The following SPDYC variants were observed in gnomAD, a reference collection of about 807,000 sequenced individuals.
SPDYC encodes the protein speedy/RINGO cell cycle regulator family member C.
Under a neutral mutation model 33.9 loss-of-function variants are expected in SPDYC, and 25 were observed. That is an observed-to-expected ratio of 0.74 (90% confidence interval 0.54 to 1.03). The LOEUF is 1.03. Among genes scored for constraint, SPDYC ranks in the 50% least tolerant of loss-of-function variants. The pLI is 0.00. For synonymous variants in SPDYC, 133 were observed against 140.2 expected (o/e 0.95, Z 0.36); for missense variants, 349 against 382.9 (o/e 0.91, Z 0.74).
intron 3 of SPDYC, 23 bp from the exon 4 acceptor site, chr11:65,172,223 C>T (rs1056072211): frequency 1.2e-6 from 2 of 1,613,916 alleles, no homozygotes; most frequent in Non-Finnish European, 1.7e-6. Flanking sequence ...TAACTAACCC[C>T]CCACCCCGAT....
rs530034737 is a variant in SPDYC at position 65,171,114 on chromosome 11, C to T, written c.27-213C>T. Reference sequence around the variant, plus strand: ...TGTTACTCTGGCCTGTCCTGGGGTGCCAGGAGGAGGGTGAGGGTGCCACAC... The same window carrying T: ...TGTTACTCTGGCCTGTCCTGGGGTGTCAGGAGGAGGGTGAGGGTGCCACAC... On this transcript the variant is annotated intron_variant, in intron 1 of 6. Transcript: ENST00000377185. Among the ~76,000 whole-genome samples, 3 of 152,044 alleles carry T rather than the reference C, an allele frequency of 2.0e-5. No homozygotes were observed. In the East Asian group the frequency reaches 5.8e-4, roughly 30 times the overall value.
chr11:65,171,834 G>A, intron 2 of SPDYC, 109 bp from the exon 3 acceptor site: 3 of 939,520 alleles, frequency 3.2e-6, no homozygotes, highest in South Asian at 1.4e-5. Context: ...GAGAAAAAGA[G>A]AAAGAGAGAG....
chr11:65,173,303 C>T, downstream of SPDYC: 1 of 1,487,832 alleles, frequency 6.7e-7, no homozygotes, highest in Non-Finnish European at 9.1e-7. Flanking sequence ...CCCTTCCTCC[C>T]AGCCTGCAGC....
exon 4 of SPDYC, chr11:65,172,288 C>G (rs1292585346): frequency 6.2e-7 from 1 of 1,614,170 alleles, no homozygotes; most frequent in Non-Finnish European, 8.5e-7. Flanking sequence ...GCGCGCCCAC[C>G]TGAAGCTCAG....
intron 1 of SPDYC, 101 bp downstream of exon 1, chr11:65,170,362 C>G (rs927503977): frequency 8.9e-6 from 11 of 1,235,094 alleles, no homozygotes; most frequent in East Asian, 5.8e-5. Context: ...TCCTCGGCCC[C>G]GTGGTTGGCT....
chr11:65,172,750 C>T lies in SPDYC; in HGVS notation c.583C>T (p.Gln195Ter). Reference sequence around the variant, plus strand: ...CCGGCGCCCCCACCATGGTGGGGTTCAGAGGGTCTGTCCACAGGTCCCTGT... The same window carrying T: ...CCGGCGCCCCCACCATGGTGGGGTTTAGAGGGTCTGTCCACAGGTCCCTGT... Residue 195 changes from glutamine to a stop codon, truncating the protein, a stop_gained, in exon 6 of 7, where the codon CAG becomes TAG. Coordinates refer to ENST00000377185, the Ensembl canonical transcript of SPDYC. LOFTEE classifies it high-confidence loss of function. 1.2e-6 allele frequency: 2 copies of T among 1,613,894 alleles called. No homozygotes were observed. Among genetic ancestry groups the T allele is most frequent in the Non-Finnish European group, 1.7e-6 (2 of 1,179,992 alleles).
chr11:65,171,498 G>T, exon 2 of SPDYC: 1 of 1,566,560 alleles, frequency 6.4e-7, no homozygotes, highest in South Asian at 1.2e-5. Context: ...TCAGCCTTCT[G>T]GGTGAGTTTG....
chr11:65,172,137 A>G, intron 3 of SPDYC, 109 bp from the exon 4 acceptor site: 1 of 1,508,812 alleles, frequency 6.6e-7, no homozygotes, highest in Non-Finnish European at 9.2e-7. Context: ...CCACCATTTT[A>G]CTGACTTTCT....
chr11:65,171,548 A>G (rs977337241), intron 2 of SPDYC, 49 bp downstream of exon 2: 2 of 1,465,416 alleles, frequency 1.4e-6, no homozygotes, highest in African/African-American at 1.4e-5. Context: ...CAAGTGTGAA[A>G]GCAGATGTGA....
Position 65,170,240 on chromosome 11 carries a change from T to C in SPDYC, c.5T>C (p.Leu2Pro), listed in dbSNP as rs767594293. The C allele has an allele frequency of 5.1e-6, 8 of 1,578,904 alleles. No individual in the cohort carries two copies. The African/African-American group carries it at 9.6e-5, about 19-fold the overall frequency. The change falls in exon 1 of 7, where the codon CTC becomes CCC. Residue 2 changes from leucine to proline, a missense_variant. Leu to Pro is a moderately conservative substitution (Grantham distance 98). Transcript: ENST00000377185. ...ACTCGCGGCGGCGTTGGTGTTATGC[T>C]CTGGGCCATTCCTGAGCTCGGGTAA...
At chr11:65,171,610 C>T in intron 2 of SPDYC, 111 bp downstream of exon 2, 1 of 1,266,020 alleles carries the variant, frequency 7.9e-7, no homozygotes, top group Non-Finnish European at 1.1e-6. Flanking sequence ...TGACCCTCTC[C>T]CTCTCAGGTA....
chr11:65,173,355 TC>T, downstream of SPDYC: 1 of 1,047,420 alleles, frequency 9.5e-7, no homozygotes. Flanking sequence ...TAAATTCATG[TC>T]CACAGGACAC....
At chr11:65,173,153 T>C in intron 6 of SPDYC, 30 bp from the exon 7 acceptor site, 1 of 1,613,076 alleles carries the variant, frequency 6.2e-7, no homozygotes, top group Non-Finnish European at 8.5e-7. Context: ...GCAGGTTTCT[T>C]CTCTGAGCCT....
intron 1 of SPDYC, 76 bp downstream of exon 1, chr11:65,170,337 G>T (rs2137287077): frequency 1.4e-6 from 2 of 1,434,878 alleles, no homozygotes; most frequent in East Asian, 2.6e-5. Flanking sequence ...CCCTGGGGTG[G>T]TCGACCGCAC....
downstream of SPDYC, chr11:65,173,247 G>T (rs757341073): frequency 1.2e-5 from 19 of 1,610,500 alleles, no homozygotes; most frequent in Admixed American, 5.0e-5. Context: ...CAGCACGCCT[G>T]CTGGCCCACT....
At chr11:65,172,977 C>T (rs766697425) in exon 6 of SPDYC, 1 of 1,613,952 alleles carries the variant, frequency 6.2e-7, no homozygotes, top group Non-Finnish European at 8.5e-7. Context: ...TCTTGCCTCC[C>T]CAGATGCAAC....
rs1195353566 is a variant in SPDYC, at chr11:65,171,607, C to T, written c.199+108C>T. The stretch of plus-strand genomic sequence containing the variant: ...ACAGACATCTGAGACCTCTGACCCT[C>T]TCCCTCTCAGGTATCCCAGCTTAGG... On this transcript the variant is annotated intron_variant, in intron 2 of 6. Transcript: ENST00000377185. 2.3e-6 allele frequency: 3 copies of T among 1,288,114 alleles called. No homozygotes were observed. In the African/African-American group the frequency reaches 4.5e-5, roughly 19 times the overall value. The allele number at this position is 1,288,114 out of a possible 1,614,324, so 79.8% of individuals were successfully genotyped here. A position where few individuals can be genotyped will look rare whatever the true frequency, so the allele number is the denominator to read the frequency against.
In SPDYC at chr11:65,171,975, G is replaced by GGT; in HGVS notation, c.232_233insGT (p.Asp78GlyfsTer25). ...TTTTGTCCAGGAATTCCTCTCCAAAGACCCCTGCTTCCAGATTTCAGATAA... is the reference window on the plus strand; with the variant it reads ...TTTTGTCCAGGAATTCCTCTCCAAAGGTACCCCTGCTTCCAGATTTCAGATAA... On this transcript the variant is annotated frameshift_variant, in exon 3 of 7. Transcript: ENST00000377185. LOFTEE classifies it high-confidence loss of function. The GGT allele has an allele frequency of 3.7e-6, 6 of 1,614,010 alleles. No individual in the cohort carries two copies. Among genetic ancestry groups the GGT allele is most frequent in the Non-Finnish European group, 5.1e-6 (6 of 1,180,012 alleles).
rs1440484382 is a variant in SPDYC at position 65,171,317 on chromosome 11, T to C, written c.27-10T>C. ...GTACATGCTAAGTCCTGAGCCTCCT[T>C]TCTCTACAGGTCACCCTGCCCCATC... is the stretch of plus-strand genomic sequence containing the variant. On this transcript the variant is annotated splice_polypyrimidine_tract_variant and intron_variant, in intron 1 of 6. Coordinates refer to ENST00000377185, the Ensembl canonical transcript of SPDYC. 1.2e-6 allele frequency: 2 copies of C among 1,603,996 alleles called. No individual in the cohort carries two copies. The highest frequency in any genetic ancestry group is 2.2e-5 in the South Asian group (2 of 90,128).
Sources: allele counts gnomAD v4.1 joint callset (sites outside exome capture counted in the v4.1 genomes callset), GRCh38; gene constraint gnomAD v4.1.1; transcripts MANE v1.5; gene names NCBI Gene and HGNC (gene_info 2026-07-23, HGNC 2026-07-21).